Variants in TENM2 observed in about 807,000 individuals in gnomAD.
The protein encoded by TENM2 is teneurin transmembrane protein 2.
TENM2 carries 52 observed loss-of-function variants against 245.2 expected under a neutral mutation model. That is an observed-to-expected ratio of 0.21 (90% confidence interval 0.17 to 0.27). The LOEUF (loss-of-function observed/expected upper bound fraction) is 0.27. Ranked by LOEUF, TENM2 falls within the 10% of genes least tolerant of loss-of-function variation. The pLI is 1.00. For synonymous variants in TENM2, 1,363 were observed against 1,438.9 expected, an observed-to-expected ratio of 0.95 and a Z score of 1.19; for missense variants, 3,046 against 3,666.8, an observed-to-expected ratio of 0.83 and a Z score of 4.37.
chr5:167,042,036 T>C, the TENM2 span, among the ~76,000 whole-genome samples: 1 of 152,192 alleles, frequency 6.6e-6, no homozygotes, highest in African/African-American at 2.4e-5. Flanking sequence ...GGCTGACCAA[T>C]GTGCTGGGGG....
intron 27 of TENM2, among the ~76,000 whole-genome samples, chr5:168,250,104 GTGGATGGATGGATGGATGGATGGATGGA>G (rs57452450): frequency 1.1e-3 from 151 of 137,882 alleles, no homozygotes; most frequent in African/African-American, 1.3e-3. Flanking sequence ...GGCTGGATGA[GTGGATGGATGGATGGATGGATGGATGGA>G]TGGATGGATG....
At chr5:167,942,086 T>TA (rs1334184587) in intron 3 of TENM2, among the ~76,000 whole-genome samples, 9 of 152,006 alleles carry the variant, frequency 5.9e-5, no homozygotes, top group Admixed American at 4.6e-4. Flanking sequence ...CACGTGCCTG[T>TA]AATCCCAGCT....
the TENM2 span, among the ~76,000 whole-genome samples, chr5:167,132,078 CCCAAAGTGCTGGGATTACAGGTGTGAG>C: frequency 1.3e-5 from 2 of 152,176 alleles, no homozygotes; most frequent in African/African-American, 4.8e-5. Context: ...GCCTCAGCCT[CCCAAAGTGCTGGGATTACAGGTGTGAG>C]CCACCATGCC....
intron 2 of TENM2, among the ~76,000 whole-genome samples, chr5:167,863,848 C>T (rs1772063915): frequency 6.6e-6 from 1 of 152,094 alleles, no homozygotes; most frequent in Admixed American, 6.6e-5. Flanking sequence ...GGAGATTTTT[C>T]AGATACAAGG....
At chr5:167,478,965 G>C (rs1413519434) in intron 2 of TENM2, among the ~76,000 whole-genome samples, 1 of 141,618 alleles carries the variant, frequency 7.1e-6, no homozygotes, top group East Asian at 2.1e-4. Flanking sequence ...AAATAAGCAT[G>C]ATTGCATATG....
intron 12 of TENM2, among the ~76,000 whole-genome samples, chr5:168,162,023 G>A (rs66830482): frequency 0.32 from 48,777 of 151,998 alleles, 8,317 homozygotes; most frequent in African/African-American, 0.4. Context: ...TGAGTGATAA[G>A]CAGCCAACAT....
intron 9 of TENM2, among the ~76,000 whole-genome samples, chr5:168,105,220 TC>T (rs1347895787): frequency 6.6e-5 from 10 of 152,258 alleles, no homozygotes; most frequent in Admixed American, 5.2e-4. Flanking sequence ...CTTATTATAC[TC>T]ACAGATTCTA....
chr5:167,339,699 A>G (rs1018822652), intron 1 of TENM2, among the ~76,000 whole-genome samples: 3 of 151,934 alleles, frequency 2.0e-5, no homozygotes, highest in Non-Finnish European at 4.4e-5. Context: ...TGTGTTGAAA[A>G]CCTAATCTCC....
chr5:168,199,880 T>C, exon 17 of TENM2: 1 of 1,613,852 alleles, frequency 6.2e-7, no homozygotes, highest in Non-Finnish European at 8.5e-7. Flanking sequence ...CATGAAGAAA[T>C]CGAGCTCCCT....
At chr5:167,032,615 A>T in the TENM2 span, among the ~76,000 whole-genome samples, 2 of 152,176 alleles carry the variant, frequency 1.3e-5, no homozygotes, top group Admixed American at 6.5e-5. Context: ...TTTTTAATAA[A>T]TACTTGGCCA....
At chr5:167,294,710 A>G (rs1754845892) in intron 1 of TENM2, among the ~76,000 whole-genome samples, 1 of 151,964 alleles carries the variant, frequency 6.6e-6, no homozygotes, top group African/African-American at 2.4e-5. Flanking sequence ...ATTTCTTTAG[A>G]ATTTTGAATC....
At chr5:167,757,015 C>T (rs1404520981) in intron 2 of TENM2, among the ~76,000 whole-genome samples, 1 of 151,596 alleles carries the variant, frequency 6.6e-6, no homozygotes, top group Admixed American at 6.6e-5. Flanking sequence ...AGTACTTTCT[C>T]ATATACCTTT....
At chr5:167,791,288 T>A (rs1027628656) in intron 2 of TENM2, among the ~76,000 whole-genome samples, 3 of 151,642 alleles carry the variant, frequency 2.0e-5, no homozygotes, top group Non-Finnish European at 2.9e-5. Flanking sequence ...TATGCAGGTG[T>A]GTATTTTTAT....
In TENM2 at chr5:168,254,169, G is replaced by A. The variant is rs531256675; in HGVS notation, c.7432+5798G>A. On this transcript the variant is annotated intron_variant, in intron 27 of 28. Transcript: ENST00000518659. ...GCGCTTTGGCGGTGGATAATCACAC[G>A]CTGTGAAGAACGTGAGAAGAGGAGA... 4.2e-4 allele frequency among the ~76,000 whole-genome samples: 64 copies of A among 152,342 alleles called. 1 individual carries two copies. The highest frequency in any genetic ancestry group is 1.4e-3 in the African/African-American group (57 of 41,572).
chr5:167,541,024 G>A (rs1029129493), intron 2 of TENM2, among the ~76,000 whole-genome samples: 4 of 152,048 alleles, frequency 2.6e-5, no homozygotes, highest in Admixed American at 2.0e-4. Flanking sequence ...AAGTGGGAAC[G>A]GTACTATTTT....
intron 2 of TENM2, among the ~76,000 whole-genome samples, chr5:167,407,980 A>T (rs963920530): frequency 3.3e-5 from 5 of 152,196 alleles, no homozygotes; most frequent in African/African-American, 1.2e-4. Flanking sequence ...CATTCTGATC[A>T]CATCCGTACT....
At chr5:167,815,339 A>G (rs1766960712) in intron 2 of TENM2, among the ~76,000 whole-genome samples, 1 of 152,172 alleles carries the variant, frequency 6.6e-6, no homozygotes, top group South Asian at 2.1e-4. Context: ...GAAAGATGAT[A>G]GCAGCTCCTA....
intron 2 of TENM2, among the ~76,000 whole-genome samples, chr5:167,692,442 T>C (rs775666385): frequency 5.9e-5 from 9 of 152,140 alleles, no homozygotes; most frequent in Non-Finnish European, 1.2e-4. Context: ...ATCTGTATTT[T>C]TAATTAACAT....
At chr5:167,413,010 A>G (rs1247008433) in intron 2 of TENM2, among the ~76,000 whole-genome samples, 1 of 152,152 alleles carries the variant, frequency 6.6e-6, no homozygotes, top group Non-Finnish European at 1.5e-5. Context: ...AGGATTAGAA[A>G]TGTACATTGG....
Sources: allele counts gnomAD v4.1 joint callset (sites outside exome capture counted in the v4.1 genomes callset), GRCh38; gene constraint gnomAD v4.1.1; transcripts MANE v1.5; gene names NCBI Gene and HGNC (gene_info 2026-07-23, HGNC 2026-07-21).